CERS5: variants seen among roughly 807,000 people sequenced by gnomAD.
The protein encoded by CERS5 is LAG1 homolog, ceramide synthase 5.
A neutral mutation model predicts 58.9 loss-of-function variants in CERS5; 37 were observed. The ratio of observed to expected loss-of-function variants is 0.63; its 90% confidence interval spans 0.48 to 0.83. The LOEUF (loss-of-function observed/expected upper bound fraction) is 0.83. CERS5 is among the 40% of genes least tolerant of loss of function. The pLI, the probability that CERS5 is intolerant of heterozygous loss-of-function variation, is 0.00. For synonymous variants in CERS5, 147 were observed against 177.8 expected (o/e 0.83, Z 1.38); for missense variants, 398 against 489.3 (o/e 0.81, Z 1.76).
intron 5 of CERS5, 30 bp downstream of exon 5, chr12:50,138,537 A>AC (rs1951807671): frequency 6.3e-7 from 1 of 1,595,758 alleles, no homozygotes; most frequent in African/African-American, 1.3e-5. Context: ...CACATTCAAG[A>AC]CCCCTATCCT....
rs749135745 is a variant in CERS5, at chr12:50,135,554, A to T, written c.872+178T>A. ...TACGGTCTGAGGCAGCAGAGGTCCT[A>T]TGAGAGTCCACAGAAGGTCAGCACA... On this transcript the variant is annotated intron_variant, in intron 8 of 9. Coordinates refer to ENST00000317551, the MANE Select transcript of CERS5 (RefSeq NM_147190.5). 9 of 713,590 alleles carry T rather than the reference A, an allele frequency of 1.3e-5. No individual in the cohort carries two copies. The Admixed American group carries it at 1.4e-4, about 11-fold the overall frequency. The allele number at this position is 713,590 out of a possible 1,614,324, so 44.2% of individuals were successfully genotyped here.
chr12:50,149,650 G>A (rs1485173124), intron 1 of CERS5, among the ~76,000 whole-genome samples: 3 of 152,176 alleles, frequency 2.0e-5, no homozygotes, highest in Non-Finnish European at 4.4e-5. Context: ...TTAGCTCTCA[G>A]GGTGATCCAT....
chr12:50,163,925 A>G (rs1378362310), intron 1 of CERS5, among the ~76,000 whole-genome samples: 1 of 150,632 alleles, frequency 6.6e-6, no homozygotes, highest in African/African-American at 2.4e-5. Flanking sequence ...AAGTGCTGGG[A>G]TTACAGGCAT....
In CERS5 at chr12:50,143,295, A is replaced by AT. The variant is rs764771724; in HGVS notation, c.304-92dup. The AT allele has an allele frequency of 4.1e-6, 6 of 1,462,540 alleles. No homozygotes were observed. The East Asian group carries it at 1.4e-4, about 34-fold the overall frequency. The allele number at this position is 1,462,540 out of a possible 1,614,324, so 90.6% of individuals were successfully genotyped here. A position where few individuals can be genotyped will look rare whatever the true frequency, so the allele number is the denominator to read the frequency against. On this transcript the variant is annotated intron_variant, in intron 2 of 9. Transcript: ENST00000317551. ...AGCTGAGCGACAAGGTATGATAGCC[A>AT]TAAGTGGCTCAAGTGATGTTTATCT...
chr12:50,155,662 G>A (rs1310962357), intron 1 of CERS5, among the ~76,000 whole-genome samples: 6 of 148,992 alleles, frequency 4.0e-5, no homozygotes, highest in African/African-American at 7.4e-5. Context: ...GCGTGAACCC[G>A]GGAGGCAGAG....
chr12:50,163,096 G>A (rs1054116007), intron 1 of CERS5, among the ~76,000 whole-genome samples: 7 of 152,082 alleles, frequency 4.6e-5, no homozygotes, highest in Admixed American at 2.0e-4. Flanking sequence ...TCAGGGTCTC[G>A]CTATGCTGCC....
intron 8 of CERS5, 95 bp from the exon 9 acceptor site, chr12:50,134,797 C>T (rs1332990191): frequency 1.7e-6 from 2 of 1,149,114 alleles, no homozygotes; most frequent in Non-Finnish European, 2.5e-6. Context: ...TGTGTGTTTT[C>T]CTACCAGCCC....
At chr12:50,141,955 A>AAG in intron 4 of CERS5, 98 bp downstream of exon 4, 1 of 765,902 alleles carries the variant, frequency 1.3e-6, no homozygotes, top group Non-Finnish European at 2.1e-6. Flanking sequence ...AAAAAAAAAA[A>AAG]AAAGAAAAGA....
At chr12:50,166,514 T>A (rs1939915755) in intron 1 of CERS5, among the ~76,000 whole-genome samples, 1 of 152,046 alleles carries the variant, frequency 6.6e-6, no homozygotes, top group African/African-American at 2.4e-5. Flanking sequence ...CCACACCCTA[T>A]CCCAACCAGA....
At chr12:50,135,588 T>TA (rs1441793150) in intron 8 of CERS5, 144 bp downstream of exon 8, 10 of 759,138 alleles carry the variant, frequency 1.3e-5, no homozygotes, top group Non-Finnish European at 2.1e-5. Flanking sequence ...CAGGCTAAGG[T>TA]AAAAGCAGGG....
At chr12:50,135,693 G>A (rs1047084682) in intron 8 of CERS5, 39 bp downstream of exon 8, 3 of 1,383,498 alleles carry the variant, frequency 2.2e-6, no homozygotes, top group African/African-American at 2.9e-5. Context: ...GGTATCATTA[G>A]GCTCATACCT....
chr12:50,134,527 A>C lies in CERS5; in HGVS notation c.1029+19T>G, dbSNP rs200973963. On this transcript the variant is annotated intron_variant, in intron 9 of 9. Transcript: ENST00000317551. The stretch of plus-strand genomic sequence containing the variant: ...CTATCTTCCATACCCAAAAGAAAGA[A>C]GCCATCTTTCATCCTCACCTTTCCC... The C allele has an allele frequency of 6.2e-7, 1 of 1,614,138 alleles. No individual in the cohort carries two copies.
At chr12:50,165,200 ACGAGGTCAGGAGAT>A (rs1358654496) in intron 1 of CERS5, 1 of 152,158 alleles carries the variant, frequency 6.6e-6, no homozygotes, top group Non-Finnish European at 1.5e-5. Context: ...CAGGCGTATT[ACGAGGTCAGGAGAT>A]CGAGACCTTC....
chr12:50,144,907 A>AGGAGGATCACAAGGTCAGGAGTT (rs1952174719), intron 1 of CERS5: 1 of 613,286 alleles, frequency 1.6e-6, no homozygotes, highest in East Asian at 3.3e-5. Flanking sequence ...AGGCTGAGGC[A>AGGAGGATCACAAGGTCAGGAGTT]GGAGGATCAC....
chr12:50,142,145 C>A (rs1192388121), intron 3 of CERS5, 35 bp from the exon 4 acceptor site: 5 of 1,420,492 alleles, frequency 3.5e-6, no homozygotes, highest in Non-Finnish European at 4.9e-6. Context: ...AGACAAATGT[C>A]CACTCAAACC....
intron 3 of CERS5, among the ~76,000 whole-genome samples, chr12:50,142,481 C>T (rs1326305831): frequency 1.4e-5 from 2 of 138,156 alleles, no homozygotes; most frequent in Admixed American, 8.1e-5. Context: ...ACATGGGAGG[C>T]GGAGGTTGCA....
intron 8 of CERS5, chr12:50,135,386 G>T: frequency 2.2e-6 from 1 of 457,362 alleles, no homozygotes; most frequent in Non-Finnish European, 4.2e-6. Flanking sequence ...CAAGCAAGAA[G>T]GGACTGAGAA....
chr12:50,133,494 C>T, intron 9 of CERS5: 1 of 990,784 alleles, frequency 1.0e-6, no homozygotes, highest in Non-Finnish European at 1.2e-6. Context: ...AATATCACAG[C>T]ATGGTCACCT....
At chr12:50,142,146 C>A in intron 3 of CERS5, 36 bp from the exon 4 acceptor site, 1 of 1,423,086 alleles carries the variant, frequency 7.0e-7, no homozygotes, top group Non-Finnish European at 9.8e-7. Flanking sequence ...GACAAATGTC[C>A]ACTCAAACCA....
Sources: allele counts gnomAD v4.1 joint callset (sites outside exome capture counted in the v4.1 genomes callset), GRCh38; gene constraint gnomAD v4.1.1; transcripts MANE v1.5; gene names NCBI Gene and HGNC (gene_info 2026-07-23, HGNC 2026-07-21).